Variants in ZNF474 observed in about 807,000 individuals in gnomAD.
The protein encoded by ZNF474 is zinc finger protein 474, also known as 4933409D10Rik.
For synonymous variants in ZNF474, 192 were observed against 162.2 expected, an observed-to-expected ratio of 1.18 and a Z score of -1.39; for missense variants, 511 against 433.8, an observed-to-expected ratio of 1.18 and a Z score of -1.58.
intron 1 of ZNF474, among the ~76,000 whole-genome samples, chr5:122,150,187 T>G (rs1756128163): frequency 6.6e-6 from 1 of 152,222 alleles, no homozygotes. Flanking sequence ...ACCCTATTCC[T>G]ATGTTCCATA....
chr5:122,135,117 T>C lies in ZNF474; in HGVS notation c.-213+5434T>C, dbSNP rs368937292. Among the ~76,000 whole-genome samples the C allele has an allele frequency of 4.6e-4, 70 of 152,194 alleles. 2 individuals carry two copies. In the South Asian group the frequency reaches 0.01, roughly 22 times the overall value. On this transcript the variant is annotated intron_variant, in intron 1 of 1. Transcript: ENST00000296600. ...TACCCATCTGACAAGGGATTAATTA[T>C]CAGATAATATAAGGAGCCCAAACAA...
chr5:122,135,770 GA>G (rs1369869991), intron 1 of ZNF474, among the ~76,000 whole-genome samples: 1 of 152,184 alleles, frequency 6.6e-6, no homozygotes, highest in Non-Finnish European at 1.5e-5. Context: ...AATGGATAAA[GA>G]AAATGTGGCA....
At position 122,152,123 on chromosome 5, in the gene ZNF474, A is replaced by AC. The variant is rs1442023676; in HGVS notation, c.134dup (p.Glu46ArgfsTer4). 5.0e-6 allele frequency: 8 copies of AC among 1,614,182 alleles called. No homozygotes were observed. Among genetic ancestry groups the AC allele is most frequent in the Admixed American group, 3.3e-5 (2 of 60,010 alleles). ...CTCCTATTCTAGCCTTTCCCCAGAA[A>AC]CAGAGAGTGTTAATCCTGGTGAAAA... is the stretch of plus-strand genomic sequence containing the variant. On this transcript the variant is annotated frameshift_variant, in exon 2 of 2. Transcript: ENST00000296600. LOFTEE classifies it low-confidence loss of function (END_TRUNC).
Position 122,152,023 on chromosome 5 carries a change from T to C in ZNF474, c.33T>C (p.Asn11=), listed in dbSNP as rs765995151. Residue 11 remains asparagine (N), a synonymous_variant, in exon 2 of 2, where the codon AAT becomes AAC. Transcript: ENST00000296600. MERGKKKRIS[N]KLQQTFHHSK... is the part of the protein sequence containing the mutation. ...GAGGAAAGAAGAAAAGAATTTCCAA[T>C]AAGTTACAACAAACTTTTCACCATT... is the stretch of plus-strand genomic sequence containing the variant. 1.2e-6 allele frequency: 2 copies of C among 1,610,306 alleles called. No individual in the cohort carries two copies. The highest frequency in any genetic ancestry group is 4.5e-5 in the East Asian group (2 of 44,874).
At chr5:122,140,784 C>T (rs928395184) in intron 1 of ZNF474, among the ~76,000 whole-genome samples, 14 of 152,210 alleles carry the variant, frequency 9.2e-5, no homozygotes, top group Non-Finnish European at 1.6e-4. Context: ...AATATTCAGT[C>T]TCACTCCTGT....
In ZNF474 at chr5:122,151,823, A is replaced by G. The variant is rs1756184728; in HGVS notation, c.-168A>G. ...TTTAATGAGGACTTTCCAACATTCC[A>G]GACTGCCGTCCTGCAATGAAGCTCT... is the stretch of plus-strand genomic sequence containing the variant. On this transcript the variant is annotated 5_prime_UTR_variant, in exon 2 of 2. Coordinates refer to ENST00000296600, the MANE Select transcript of ZNF474 (RefSeq NM_207317.3). 4 of 764,150 alleles carry G rather than the reference A, an allele frequency of 5.2e-6. No homozygotes were observed. The East Asian group carries it at 1.1e-4, about 21-fold the overall frequency. 47.3% of individuals were successfully genotyped at this position (764,150 alleles called of 1,614,324 possible).
At chr5:122,150,654 A>G (rs1756142710) in intron 1 of ZNF474, among the ~76,000 whole-genome samples, 1 of 152,196 alleles carries the variant, frequency 6.6e-6, no homozygotes, top group Admixed American at 6.5e-5. Context: ...GGCTTCTGAA[A>G]TAATCTTTTT....
chr5:122,148,875 T>C (rs1257489465), intron 1 of ZNF474, among the ~76,000 whole-genome samples: 1 of 152,002 alleles, frequency 6.6e-6, no homozygotes, highest in Non-Finnish European at 1.5e-5. Context: ...TAGCTGGGAT[T>C]ACAGCCACCA....
intron 1 of ZNF474, among the ~76,000 whole-genome samples, chr5:122,149,891 G>A (rs1756118447): frequency 6.6e-6 from 1 of 150,650 alleles, no homozygotes; most frequent in Admixed American, 6.6e-5. Flanking sequence ...GACTCTGTGT[G>A]TGTGTGTGTG....
intron 1 of ZNF474, among the ~76,000 whole-genome samples, chr5:122,150,533 G>A (rs905029316): frequency 6.6e-6 from 1 of 152,198 alleles, no homozygotes; most frequent in Admixed American, 6.5e-5. Flanking sequence ...TTGCCGTGAT[G>A]TAGAGGATCC....
rs1292061218 is a variant in ZNF474, at chr5:122,151,855, C to T, written c.-136C>T. 10 of 1,061,422 alleles carry T rather than the reference C, an allele frequency of 9.4e-6. No homozygotes were observed. The highest frequency in any genetic ancestry group is 1.1e-5 in the Non-Finnish European group (8 of 744,302). 65.8% of individuals were successfully genotyped at this position (1,061,422 alleles called of 1,614,324 possible). On this transcript the variant is annotated 5_prime_UTR_variant, in exon 2 of 2. In the 5' UTR this introduces an upstream ATG that the reference lacks. Coordinates refer to ENST00000296600, the MANE Select transcript of ZNF474 (RefSeq NM_207317.3). ...CGTCCTGCAATGAAGCTCTGAGTCA[C>T]GGTCTGTGAGGCTAAGGTACTGGCA... is the stretch of plus-strand genomic sequence containing the variant.
Position 122,152,098 on chromosome 5 carries a change from C to T in ZNF474, c.108C>T (p.Asp36=), listed in dbSNP as rs759204474. The T allele has an allele frequency of 3.7e-6, 6 of 1,614,194 alleles. No homozygotes were observed. Among genetic ancestry groups the T allele is most frequent in the Non-Finnish European group, 5.1e-6 (6 of 1,180,034 alleles). Residue 36 remains aspartate, a synonymous_variant, in exon 2 of 2, where the codon GAC becomes GAT. Coordinates refer to ENST00000296600, the MANE Select transcript of ZNF474 (RefSeq NM_207317.3). ...ACCAAGCTGGGCTTCTCTCTAGTGA[C>T]TCCTATTCTAGCCTTTCCCCAGAAA... is the stretch of plus-strand genomic sequence containing the variant. The part of the protein sequence containing the change: ...LINQAGLLSS[D]SYSSLSPETE...
chr5:122,140,052 A>C (rs1480415543), intron 1 of ZNF474, among the ~76,000 whole-genome samples: 1 of 152,218 alleles, frequency 6.6e-6, no homozygotes, highest in African/African-American at 2.4e-5. Context: ...TGGGCTAACC[A>C]CAGACCATCA....
intron 1 of ZNF474, among the ~76,000 whole-genome samples, chr5:122,132,959 C>T (rs776790311): frequency 4.6e-5 from 7 of 152,152 alleles, no homozygotes; most frequent in Non-Finnish European, 8.8e-5. Flanking sequence ...TGACTGCTTA[C>T]TAGTGAACCA....
Position 122,152,713 on chromosome 5 carries a change from C to G in ZNF474, c.723C>G (p.Pro241=), listed in dbSNP as rs1291386219. 1 of 1,614,106 alleles carries G rather than the reference C, an allele frequency of 6.2e-7. No individual in the cohort carries two copies. The highest frequency in any genetic ancestry group is 1.3e-5 in the African/African-American group (1 of 74,996). ...FGTLSLPIHE[P]KCLEKWKMEN... ...CCCTGTCCCTTCCTATTCATGAGCC[C>G]AAATGCCTGGAAAAGTGGAAAATGG... Residue 241 remains proline (P), a synonymous_variant, in exon 2 of 2, where the codon CCC becomes CCG. Transcript: ENST00000296600.
rs760148728 is a variant in ZNF474, at chr5:122,152,089, C to G, written c.99C>G (p.Leu33=). The part of the protein sequence containing the change: ...PTFLINQAGL[L]SSDSYSSLSP... ...TCCTTATCAACCAAGCTGGGCTTCT[C>G]TCTAGTGACTCCTATTCTAGCCTTT... The change falls in exon 2 of 2, where the codon CTC becomes CTG. Residue 33 remains leucine (L), a synonymous_variant. Transcript: ENST00000296600. 1 of 1,614,208 alleles carries G rather than the reference C, an allele frequency of 6.2e-7. No individual in the cohort carries two copies. Among genetic ancestry groups the G allele is most frequent in the East Asian group, 2.2e-5 (1 of 44,882 alleles).
chr5:122,145,074 T>C (rs1031285585), intron 1 of ZNF474, among the ~76,000 whole-genome samples: 12 of 152,228 alleles, frequency 7.9e-5, no homozygotes, highest in Admixed American at 5.9e-4. Flanking sequence ...ATAGCTTTTC[T>C]AACACCATAG....
intron 1 of ZNF474, among the ~76,000 whole-genome samples, chr5:122,151,386 G>A (rs1031124459): frequency 6.6e-5 from 10 of 152,118 alleles, no homozygotes; most frequent in Admixed American, 1.3e-4. Context: ...GGGTCTTTTC[G>A]TATGACCTGC....
chr5:122,148,577 G>A (rs540876544), intron 1 of ZNF474, among the ~76,000 whole-genome samples: 6 of 152,174 alleles, frequency 3.9e-5, no homozygotes, highest in East Asian at 1.9e-4. Context: ...ATCATTCATC[G>A]TTGGTCTGCC....
Sources: allele counts gnomAD v4.1 joint callset (sites outside exome capture counted in the v4.1 genomes callset), GRCh38; gene constraint gnomAD v4.1.1; transcripts MANE v1.5; gene names NCBI Gene and HGNC (gene_info 2026-07-23, HGNC 2026-07-21).